Variants in IL1RAPL1 observed in about 807,000 individuals in gnomAD.
IL1RAPL1 encodes interleukin 1 receptor accessory protein like 1, also known as interleukin-1 receptor accessory protein-like 1.
IL1RAPL1 carries 3 observed loss-of-function variants against 48.4 expected under a neutral mutation model. The observed-to-expected ratio is 0.06, with a 90% confidence interval of 0.03 to 0.16. IL1RAPL1 has a LOEUF of 0.16. Among genes scored for constraint, IL1RAPL1 ranks in the 10% least tolerant of loss-of-function variants. The pLI, the probability that IL1RAPL1 is intolerant of heterozygous loss-of-function variation, is 1.00. For missense variants in IL1RAPL1, 349 were observed against 530.6 expected, an observed-to-expected ratio of 0.66 and a Z score of 3.36; for synonymous variants, 185 against 187.7, an observed-to-expected ratio of 0.99 and a Z score of 0.12.
At chrX:29,935,207 G>A (rs934943548) in intron 8 of IL1RAPL1, among the ~76,000 whole-genome samples, 2 of 110,623 alleles carry the variant, frequency 1.8e-5, no homozygotes, top group African/African-American at 6.6e-5. Context: ...CCCGTTATTG[G>A]TGATGTTAAA....
chrX:28,863,039 C>T (rs947529824), intron 2 of IL1RAPL1, among the ~76,000 whole-genome samples: 2 of 110,860 alleles, frequency 1.8e-5, no homozygotes, highest in Admixed American at 9.6e-5. Flanking sequence ...TGCTACCACA[C>T]CCAGCTAATT....
At chrX:29,825,391 G>A (rs761638320) in intron 6 of IL1RAPL1, among the ~76,000 whole-genome samples, 6 of 111,473 alleles carry the variant, frequency 5.4e-5, no homozygotes, top group Non-Finnish European at 9.4e-5. Flanking sequence ...CAAACTGGAA[G>A]CTCTAATCCC....
intron 5 of IL1RAPL1, among the ~76,000 whole-genome samples, chrX:29,665,875 G>C (rs747870720): frequency 8.9e-6 from 1 of 112,004 alleles, no homozygotes; most frequent in South Asian, 3.7e-4. Flanking sequence ...TTCCAGTCTT[G>C]TAACAGATTG....
intron 6 of IL1RAPL1, among the ~76,000 whole-genome samples, chrX:29,835,050 G>C (rs1204960139): frequency 8.9e-6 from 1 of 111,839 alleles, no homozygotes; most frequent in Non-Finnish European, 1.9e-5. Context: ...TAACATTCCA[G>C]AAACAAAATC....
At chrX:29,425,619 G>A (rs1047661691) in intron 5 of IL1RAPL1, among the ~76,000 whole-genome samples, 1 of 110,961 alleles carries the variant, frequency 9.0e-6, no homozygotes, top group Admixed American at 9.6e-5. Context: ...TGGTTCTGTC[G>A]CCCAGGCTGG....
intron 2 of IL1RAPL1, among the ~76,000 whole-genome samples, chrX:29,005,324 A>G (rs981017317): frequency 8.9e-6 from 1 of 112,394 alleles, no homozygotes; most frequent in Non-Finnish European, 1.9e-5. Flanking sequence ...TTAAAGCACC[A>G]AAGGTACAAT....
chrX:29,419,274 T>C lies in IL1RAPL1; in HGVS notation c.703+19966T>C, dbSNP rs143173150. ...CATATACGTAATGACATATACTTCT[T>C]CTCATTCAAATAATCTCTAGTCATT... On this transcript the variant is annotated intron_variant, in intron 5 of 10. Coordinates refer to ENST00000378993, the MANE Select transcript of IL1RAPL1 (RefSeq NM_014271.4). Among the ~76,000 whole-genome samples, 977 of 111,515 alleles carry C rather than the reference T, an allele frequency of 8.8e-3. 10 individuals carry two copies. The highest frequency in any genetic ancestry group is 0.031 in the African/African-American group (940 of 30,703).
chrX:29,014,186 G>A (rs920545321), intron 2 of IL1RAPL1, among the ~76,000 whole-genome samples: 8 of 111,041 alleles, frequency 7.2e-5, no homozygotes, highest in African/African-American at 2.3e-4. Context: ...GTCCTGCTTC[G>A]GCCTCTTCTT....
intron 3 of IL1RAPL1, among the ~76,000 whole-genome samples, chrX:29,328,262 C>T (rs1299701454): frequency 9.0e-6 from 1 of 111,497 alleles, no homozygotes; most frequent in African/African-American, 3.3e-5. Context: ...ATTGAAATCA[C>T]TTTGGTAGAT....
At chrX:29,479,432 T>A (rs1012829384) in intron 5 of IL1RAPL1, among the ~76,000 whole-genome samples, 2 of 54,855 alleles carry the variant, frequency 3.6e-5, no homozygotes, top group African/African-American at 8.9e-5. Context: ...AAAAAAAAAA[T>A]TAGCATTGTA....
chrX:29,501,905 T>C (rs2147760479), intron 5 of IL1RAPL1, among the ~76,000 whole-genome samples: 1 of 109,926 alleles, frequency 9.1e-6, no homozygotes, highest in Non-Finnish European at 1.9e-5. Context: ...TAAATAGCTT[T>C]GAGTAGCATT....
intron 6 of IL1RAPL1, among the ~76,000 whole-genome samples, chrX:29,829,236 C>G (rs1268031480): frequency 9.6e-6 from 1 of 104,423 alleles, no homozygotes; most frequent in Non-Finnish European, 1.9e-5. Flanking sequence ...CTCCATGGAA[C>G]TATGATGGTT....
At chrX:28,818,757 C>T (rs1936897485) in intron 2 of IL1RAPL1, among the ~76,000 whole-genome samples, 1 of 110,577 alleles carries the variant, frequency 9.0e-6, no homozygotes, top group African/African-American at 3.3e-5. Flanking sequence ...AGGACTTACA[C>T]TTAAGTTCCT....
intron 2 of IL1RAPL1, among the ~76,000 whole-genome samples, chrX:28,886,365 C>T (rs1170375577): frequency 9.2e-6 from 1 of 108,764 alleles, no homozygotes; most frequent in East Asian, 2.9e-4. Context: ...TATATATGTA[C>T]TATATACATA....
chrX:29,546,954 T>C (rs781765241), intron 5 of IL1RAPL1, among the ~76,000 whole-genome samples: 1 of 111,991 alleles, frequency 8.9e-6, no homozygotes, highest in East Asian at 2.8e-4. Context: ...TTGCCTTCAT[T>C]TATTTCAGTG....
chrX:28,794,759 G>A (rs1383708818), intron 2 of IL1RAPL1, among the ~76,000 whole-genome samples: 1 of 112,196 alleles, frequency 8.9e-6, no homozygotes, highest in Non-Finnish European at 1.9e-5. Flanking sequence ...TAAAAGGTAA[G>A]AGTAGTCAAA....
At chrX:29,874,734 A>G (rs139437881) in intron 6 of IL1RAPL1, among the ~76,000 whole-genome samples, 1,274 of 112,564 alleles carry the variant, frequency 0.011, 15 homozygotes, top group African/African-American at 0.037. Context: ...CCGTGACTTC[A>G]TTCACAGTAG....
chrX:29,761,960 C>T (rs959063236), intron 6 of IL1RAPL1, among the ~76,000 whole-genome samples: 2 of 111,935 alleles, frequency 1.8e-5, no homozygotes, highest in Non-Finnish European at 3.8e-5. Context: ...AATAGAGTAG[C>T]ATTCCCCTGT....
intron 3 of IL1RAPL1, among the ~76,000 whole-genome samples, chrX:29,387,985 T>G (rs1408609980): frequency 9.6e-6 from 1 of 104,302 alleles, no homozygotes; most frequent in Admixed American, 1.1e-4. Flanking sequence ...AGAGCAAGAC[T>G]CTGTCTGAAA....
Sources: allele counts gnomAD v4.1 joint callset (sites outside exome capture counted in the v4.1 genomes callset), GRCh38; gene constraint gnomAD v4.1.1; transcripts MANE v1.5; gene names NCBI Gene and HGNC (gene_info 2026-07-23, HGNC 2026-07-21).